DNAH11: variants seen among roughly 807,000 people sequenced by gnomAD.
The protein encoded by DNAH11 is dynein axonemal heavy chain 11.
In DNAH11, 442 loss-of-function variants were observed where a neutral mutation model predicts 526.0. The ratio of observed to expected loss-of-function variants is 0.84; its 90% CI spans 0.78 to 0.91. The LOEUF (loss-of-function observed/expected upper bound fraction) is 0.91. Among genes scored for constraint, DNAH11 ranks in the 40% least tolerant of loss-of-function variants. The pLI, the probability that DNAH11 is intolerant of heterozygous loss-of-function variation, is 0.00. For synonymous variants in DNAH11, 2,461 were observed against 1,935.9 expected (o/e 1.27, Z -7.12); for missense variants, 6,989 against 5,448.7 (o/e 1.28, Z -8.90).
rs766168852 is a variant in DNAH11 at position 21,894,620 on chromosome 7, A to C, written c.12751-3A>C. On this transcript the variant is annotated splice_polypyrimidine_tract_variant and splice_region_variant and intron_variant, in intron 77 of 81. Coordinates refer to ENST00000409508, the MANE Select transcript of DNAH11 (RefSeq NM_001277115.2). ...AGCTAAATCTTTGTGTTACTGATTT[A>C]AGGTTAAGAATGTCTTGGATGACAT... The C allele has an allele frequency of 6.2e-7, 1 of 1,612,892 alleles. No individual in the cohort carries two copies. Among genetic ancestry groups the C allele is most frequent in the South Asian group, 1.1e-5 (1 of 90,642 alleles).
intron 80 of DNAH11, 145 bp from the exon 81 acceptor site, chr7:21,899,835 C>T (rs914297803): frequency 1.0e-6 from 1 of 972,612 alleles, no homozygotes; most frequent in African/African-American, 1.7e-5. Context: ...AGTTGGCCAA[C>T]CCCCTGCTCC....
Position 21,842,682 on chromosome 7 carries a change from T to A in DNAH11, c.10830T>A (p.Asp3610Glu). 1.2e-6 allele frequency: 2 copies of A among 1,613,900 alleles called. No individual in the cohort carries two copies. Among genetic ancestry groups the A allele is most frequent in the Non-Finnish European group, 1.7e-6 (2 of 1,179,826 alleles). Residue 3610 changes from aspartate to glutamate, a missense_variant, in exon 66 of 82, where the codon GAT becomes GAA. Physicochemically the swap from Asp to Glu is conservative, Grantham distance 45 (BLOSUM62 2). Coordinates refer to ENST00000409508, the MANE Select transcript of DNAH11 (RefSeq NM_001277115.2). ...TCCTCAATTTCACAGTCACAGAAGA[T>A]GGTCTAGAAGCCCAGCTGCTGGCAG... ...TTLLNFTVTE[D>E]GLEAQLLAEV... is the part of the protein sequence containing the mutation.
intron 9 of DNAH11, among the ~76,000 whole-genome samples, chr7:21,585,594 T>C (rs1028789667): frequency 3.3e-5 from 5 of 152,110 alleles, no homozygotes; most frequent in Non-Finnish European, 5.9e-5. Flanking sequence ...CAAAACCAAA[T>C]ACTACTGAAT....
intron 43 of DNAH11, 33 bp from the exon 44 acceptor site, chr7:21,720,692 T>C (rs1054739466): frequency 2.0e-6 from 3 of 1,527,292 alleles, no homozygotes; most frequent in Non-Finnish European, 1.8e-6. Flanking sequence ...TTTAAAAAAA[T>C]GTTGCCTTAT....
chr7:21,757,187 A>G (rs868324624), intron 54 of DNAH11, among the ~76,000 whole-genome samples: 7 of 152,186 alleles, frequency 4.6e-5, no homozygotes, highest in African/African-American at 1.4e-4. Context: ...TTAATCCTTT[A>G]TAATAATCAC....
chr7:21,852,359 A>T, intron 66 of DNAH11, 108 bp from the exon 67 acceptor site: 1 of 1,196,362 alleles, frequency 8.4e-7, no homozygotes, highest in Non-Finnish European at 1.1e-6. Flanking sequence ...GTGAGCCAAG[A>T]TCATACCACT....
intron 68 of DNAH11, among the ~76,000 whole-genome samples, chr7:21,860,881 C>G (rs1012699148): frequency 1.3e-5 from 2 of 152,164 alleles, no homozygotes; most frequent in Non-Finnish European, 2.9e-5. Flanking sequence ...GCAGGCAAGA[C>G]AGAATGAGAG....
At position 21,705,451 on chromosome 7, in the gene DNAH11, G is replaced by C; in HGVS notation, c.6469-9G>C. On this transcript the variant is annotated splice_polypyrimidine_tract_variant and intron_variant, in intron 38 of 81. Transcript: ENST00000409508. ...AAAGGAAACCAGCAACCAGCTGTTT[G>C]CTCTGCAGGTTGTCCAGCTTGAGGA... The C allele has an allele frequency of 6.2e-7, 1 of 1,613,494 alleles. No individual in the cohort carries two copies. The highest frequency in any genetic ancestry group is 8.5e-7 in the Non-Finnish European group (1 of 1,179,598).
chr7:21,899,435 G>A lies in DNAH11; in HGVS notation c.13149G>A (p.Gln4383=). ...GGCTCTCCGGCTTCTTCAACCCTCA[G>A]TCCTTCTTAACTGGTAAGGGCTGAC... ...VVWLSGFFNP[Q]SFLTAIMQTM... is the part of the protein sequence containing the mutation. Residue 4383 remains glutamine (Q), a synonymous_variant, in exon 80 of 82, where the codon CAG becomes CAA. Coordinates refer to ENST00000409508, the MANE Select transcript of DNAH11 (RefSeq NM_001277115.2). 1.2e-6 allele frequency: 2 copies of A among 1,613,518 alleles called. No individual in the cohort carries two copies. Among genetic ancestry groups the A allele is most frequent in the Non-Finnish European group, 1.7e-6 (2 of 1,179,572 alleles).
At chr7:21,730,726 A>G (rs544701840) in intron 45 of DNAH11, among the ~76,000 whole-genome samples, 1 of 152,208 alleles carries the variant, frequency 6.6e-6, no homozygotes, top group African/African-American at 2.4e-5. Flanking sequence ...AGGGATACAA[A>G]ATTTCAGTTA....
At position 21,814,414 on chromosome 7, in the gene DNAH11, T is replaced by C. The variant is rs1312793850; in HGVS notation, c.10333-2053T>C. 2.0e-5 allele frequency among the ~76,000 whole-genome samples: 3 copies of C among 151,790 alleles called. No homozygotes were observed. The East Asian group carries it at 5.8e-4, about 29-fold the overall frequency. ...AGTTTTAGGGTACATGTGCACATTGTGCGGGTTAGTTACATACGTATACGT... is the reference window on the plus strand; with the variant it reads ...AGTTTTAGGGTACATGTGCACATTGCGCGGGTTAGTTACATACGTATACGT... On this transcript the variant is annotated intron_variant, in intron 63 of 81. Transcript: ENST00000409508.
intron 45 of DNAH11, among the ~76,000 whole-genome samples, chr7:21,729,022 A>T (rs886583828): frequency 1.5e-4 from 23 of 152,234 alleles, no homozygotes; most frequent in African/African-American, 5.5e-4. Flanking sequence ...GCTCAGTGAC[A>T]GAAGTGGTGA....
chr7:21,642,351 T>C (rs190957308), intron 28 of DNAH11, among the ~76,000 whole-genome samples: 21 of 152,294 alleles, frequency 1.4e-4, no homozygotes, highest in African/African-American at 4.3e-4. Context: ...TCTAGAGCCA[T>C]AGTCGGCTTC....
At chr7:21,570,543 CTT>C (rs1783846554) in intron 7 of DNAH11, 2 of 336,476 alleles carry the variant, frequency 5.9e-6, no homozygotes, top group South Asian at 7.4e-5. Flanking sequence ...AAGTAAATCT[CTT>C]TATGTATCAG....
At chr7:21,822,746 G>T (rs901753264) in intron 65 of DNAH11, among the ~76,000 whole-genome samples, 1 of 152,022 alleles carries the variant, frequency 6.6e-6, no homozygotes, top group South Asian at 2.1e-4. Flanking sequence ...CAATGTACAG[G>T]TGTTCCCCTT....
At chr7:21,756,945 T>A (rs952276271) in intron 54 of DNAH11, among the ~76,000 whole-genome samples, 3 of 152,226 alleles carry the variant, frequency 2.0e-5, no homozygotes, top group African/African-American at 7.2e-5. Flanking sequence ...CAATTCATTT[T>A]ACACATTTCT....
intron 54 of DNAH11, among the ~76,000 whole-genome samples, chr7:21,759,484 T>C (rs1028291273): frequency 6.6e-6 from 1 of 152,188 alleles, no homozygotes; most frequent in Non-Finnish European, 1.5e-5. Flanking sequence ...GATGATAAAG[T>C]GACACCGAAG....
intron 45 of DNAH11, among the ~76,000 whole-genome samples, chr7:21,733,074 G>T (rs1785448746): frequency 6.6e-6 from 1 of 152,152 alleles, no homozygotes; most frequent in African/African-American, 2.4e-5. Flanking sequence ...GGACAAAGTG[G>T]GGGCTCTCCC....
At chr7:21,669,404 C>T (rs1023853804) in intron 30 of DNAH11, among the ~76,000 whole-genome samples, 2 of 152,168 alleles carry the variant, frequency 1.3e-5, no homozygotes, top group African/African-American at 4.8e-5. Context: ...CTCCTGACCT[C>T]AAATGATCCT....
Sources: gnomAD v4.1 joint callset for allele counts (sites outside exome capture counted in the v4.1 genomes callset) on GRCh38, gnomAD v4.1.1 for gene constraint, MANE v1.5 for transcripts, NCBI Gene and HGNC (gene_info 2026-07-23, HGNC 2026-07-21) for gene names.